LEPR: variants seen among roughly 807,000 people sequenced by gnomAD.
LEPR encodes the protein OB receptor.
Under a neutral mutation model 114.7 loss-of-function variants are expected in LEPR, and 56 were observed. The observed-to-expected ratio is 0.49, with a 90% confidence interval of 0.39 to 0.61. The LOEUF (loss-of-function observed/expected upper bound fraction) is 0.61. LEPR is among the 20% of genes least tolerant of loss of function. LEPR has a pLI of 0.00. For synonymous variants in LEPR, 443 were observed against 461.4 expected (o/e 0.96, Z 0.51); for missense variants, 1,202 against 1,352.9 (o/e 0.89, Z 1.75).
intron 2 of LEPR, among the ~76,000 whole-genome samples, chr1:65,497,825 T>C (rs866280574): frequency 6.6e-6 from 1 of 152,312 alleles, no homozygotes; most frequent in African/African-American, 2.4e-5. Flanking sequence ...ATGGCAGGAC[T>C]GGAATGTGAA....
At chr1:65,571,590 T>C (rs761828641) in intron 4 of LEPR, among the ~76,000 whole-genome samples, 1 of 150,128 alleles carries the variant, frequency 6.7e-6, no homozygotes, top group African/African-American at 2.5e-5. Context: ...GGTTTTCACA[T>C]GTATGAGTGA....
intron 2 of LEPR, among the ~76,000 whole-genome samples, chr1:65,511,203 A>G (rs1380976950): frequency 6.6e-6 from 1 of 152,126 alleles, no homozygotes; most frequent in East Asian, 1.9e-4. Flanking sequence ...CTGGCAACCC[A>G]GTGTGTCCTA....
intron 2 of LEPR, among the ~76,000 whole-genome samples, chr1:65,446,706 A>G (rs1646718540): frequency 6.6e-6 from 1 of 152,102 alleles, no homozygotes; most frequent in South Asian, 2.1e-4. Flanking sequence ...GCAAATATTT[A>G]TCCAGTGCAT....
At chr1:65,490,386 CA>C (rs1479920597) in intron 2 of LEPR, among the ~76,000 whole-genome samples, 1 of 152,076 alleles carries the variant, frequency 6.6e-6, no homozygotes, top group African/African-American at 2.4e-5. Flanking sequence ...AGTGGTAGCA[CA>C]GTTTATTTAG....
chr1:65,467,041 C>G (rs986142197), intron 2 of LEPR, among the ~76,000 whole-genome samples: 3 of 152,162 alleles, frequency 2.0e-5, no homozygotes, highest in East Asian at 3.9e-4. Context: ...GTCAACTGGT[C>G]AAACTCATTC....
intron 14 of LEPR, among the ~76,000 whole-genome samples, chr1:65,614,752 T>C (rs927551794): frequency 5.3e-5 from 8 of 152,190 alleles, no homozygotes; most frequent in Non-Finnish European, 1.2e-4. Context: ...TATAGCTAGA[T>C]TCTGGTTTAG....
At position 65,618,094 on chromosome 1, in the gene LEPR, T is replaced by G. The variant is rs199916914; in HGVS notation, c.2343T>G (p.Gly781=). 9 of 1,611,176 alleles carry G rather than the reference T, an allele frequency of 5.6e-6. No homozygotes were observed. The East Asian group carries it at 1.8e-4, about 32-fold the overall frequency. ...AGTGGAAAAATCTTAATGAAGATGGTGAAATAAAATGGCTTAGAATCTCTT... is the reference window on the plus strand; with the variant it reads ...AGTGGAAAAATCTTAATGAAGATGGGGAAATAAAATGGCTTAGAATCTCTT... ...IIEWKNLNED[G]EIKWLRISSS... The change falls in exon 16 of 20, where the codon GGT becomes GGG. Residue 781 remains glycine (G), a synonymous_variant. Coordinates refer to ENST00000349533, the MANE Select transcript of LEPR (RefSeq NM_002303.6).
At chr1:65,437,743 G>T (rs1391545958) in intron 2 of LEPR, among the ~76,000 whole-genome samples, 2 of 152,044 alleles carry the variant, frequency 1.3e-5, no homozygotes, top group African/African-American at 4.8e-5. Context: ...GGGGAAGGAG[G>T]ATAAGTAGTA....
At chr1:65,590,578 G>A (rs1655627662) in intron 5 of LEPR, among the ~76,000 whole-genome samples, 5 of 147,700 alleles carry the variant, frequency 3.4e-5, no homozygotes, top group Admixed American at 3.4e-4. Flanking sequence ...TGTACTTCTT[G>A]CTGCCACCAT....
At chr1:65,526,226 C>G in intron 2 of LEPR, 1 of 985,254 alleles carries the variant, frequency 1.0e-6, no homozygotes, top group Non-Finnish European at 1.2e-6. Flanking sequence ...TTTGCTGGTT[C>G]GAATGACAAG....
intron 2 of LEPR, among the ~76,000 whole-genome samples, chr1:65,493,259 C>T (rs576647189): frequency 1.3e-5 from 2 of 152,194 alleles, no homozygotes; most frequent in Admixed American, 1.3e-4. Context: ...TTGCCCATCT[C>T]TGTTCTATTT....
chr1:65,473,996 C>T (rs932562081), intron 2 of LEPR, among the ~76,000 whole-genome samples: 1 of 152,154 alleles, frequency 6.6e-6, no homozygotes, highest in African/African-American at 2.4e-5. Context: ...TTTGTGTCAC[C>T]TGCAATTGTT....
intron 3 of LEPR, 23 bp downstream of exon 3, chr1:65,565,628 G>C (rs772312846): frequency 5.6e-6 from 9 of 1,613,538 alleles, no homozygotes; most frequent in Non-Finnish European, 3.4e-6. Flanking sequence ...CTCATTTGCT[G>C]TTTTAATGCC....
chr1:65,592,820 G>GTAACCTC lies in LEPR; in HGVS notation c.661_662insCCTCTAA (p.Ile221ThrfsTer20). 1 of 1,613,254 alleles carries GTAACCTC rather than the reference G, an allele frequency of 6.2e-7. No homozygotes were observed. The stretch of plus-strand genomic sequence containing the variant: ...GTGTTTGAAAATCACATCTGGTGGA[G>GTAACCTC]TAATTTTCCAGTCACCTCTAATGTC... On this transcript the variant is annotated frameshift_variant, in exon 6 of 20. Transcript: ENST00000349533. LOFTEE classifies it high-confidence loss of function.
At chr1:65,519,296 C>T (rs1444168364) in intron 2 of LEPR, among the ~76,000 whole-genome samples, 8 of 151,768 alleles carry the variant, frequency 5.3e-5, no homozygotes, top group Non-Finnish European at 1.0e-4. Context: ...ACTACAGGTG[C>T]ACACCACCAC....
chr1:65,445,633 TAG>T (rs948341299), intron 2 of LEPR, among the ~76,000 whole-genome samples: 21 of 151,096 alleles, frequency 1.4e-4, no homozygotes, highest in African/African-American at 5.1e-4. Context: ...TTTAACTGAA[TAG>T]AGTTTTTTTT....
intron 2 of LEPR, among the ~76,000 whole-genome samples, chr1:65,513,906 A>T (rs1451397417): frequency 6.6e-6 from 1 of 152,184 alleles, no homozygotes; most frequent in Admixed American, 6.5e-5. Flanking sequence ...AATTTGGCTT[A>T]TGTATACAAT....
At chr1:65,579,578 G>T (rs769516599) in intron 5 of LEPR, among the ~76,000 whole-genome samples, 2 of 152,192 alleles carry the variant, frequency 1.3e-5, no homozygotes, top group African/African-American at 4.8e-5. Flanking sequence ...CTTTAGCTCA[G>T]AGAAAAGTAT....
rs1347004426 is a variant in LEPR, at chr1:65,636,344, C to T, written c.2827C>T (p.Leu943Phe). Residue 943 changes from leucine to phenylalanine, a missense_variant, in exon 20 of 20, where the codon CTT (leucine) becomes TTT (phenylalanine). Transcript: ENST00000349533. ...EMMPTTVVSL[L>F]STTDLEKGSV... ...GATGCCAACAACTGTGGTCTCTCTA[C>T]TTTCAACAACAGATCTTGAAAAGGG... 1.2e-6 allele frequency: 2 copies of T among 1,613,958 alleles called. No homozygotes were observed. Among genetic ancestry groups the T allele is most frequent in the Non-Finnish European group, 1.7e-6 (2 of 1,180,000 alleles).
Sources: gnomAD v4.1 joint callset for allele counts (sites outside exome capture counted in the v4.1 genomes callset) on GRCh38, gnomAD v4.1.1 for gene constraint, MANE v1.5 for transcripts, NCBI Gene and HGNC (gene_info 2026-07-23, HGNC 2026-07-21) for gene names.